The following HS3ST4 variants were observed in gnomAD, a reference collection of about 807,000 sequenced individuals.
HS3ST4 encodes the protein heparan sulfate glucosamine 3-O-sulfotransferase 4.
A neutral mutation model predicts 29.2 loss-of-function variants in HS3ST4; 17 were observed. The observed-to-expected ratio is 0.58, with a 90% confidence interval of 0.40 to 0.87. The LOEUF is 0.87. Ranked by LOEUF, HS3ST4 falls within the 40% of genes least tolerant of loss-of-function variation. The pLI is 0.00. For synonymous variants in HS3ST4, 314 were observed against 285.7 expected, an observed-to-expected ratio of 1.10 and a Z score of -1.00; for missense variants, 627 against 634.5, an observed-to-expected ratio of 0.99 and a Z score of 0.13.
chr16:25,986,578 G>A (rs1184606873), intron 1 of HS3ST4, among the ~76,000 whole-genome samples: 1 of 152,184 alleles, frequency 6.6e-6, no homozygotes, highest in Non-Finnish European at 1.5e-5. Context: ...ACTTTGCACT[G>A]CTGTTTATGC....
chr16:25,914,366 G>A (rs760525823), intron 1 of HS3ST4, among the ~76,000 whole-genome samples: 3 of 151,390 alleles, frequency 2.0e-5, no homozygotes, highest in Non-Finnish European at 4.4e-5. Context: ...ATGTTTATGG[G>A]GCTGGATGTG....
intron 1 of HS3ST4, among the ~76,000 whole-genome samples, chr16:25,791,974 A>G (rs1186765309): frequency 6.6e-6 from 1 of 151,970 alleles, no homozygotes; most frequent in Non-Finnish European, 1.5e-5. Flanking sequence ...TTTTAAATTT[A>G]GTTATGATCA....
chr16:25,700,744 C>T (rs577228917), intron 1 of HS3ST4, among the ~76,000 whole-genome samples: 2 of 152,274 alleles, frequency 1.3e-5, no homozygotes, highest in African/African-American at 4.8e-5. Context: ...CTGTAACTGT[C>T]TTGGGAATTG....
chr16:25,938,631 T>A (rs948733026), intron 1 of HS3ST4, among the ~76,000 whole-genome samples: 2 of 152,222 alleles, frequency 1.3e-5, no homozygotes, highest in African/African-American at 2.4e-5. Flanking sequence ...AGGCCATTTT[T>A]AAATTTCCAA....
At chr16:25,761,391 A>C (rs374135563) in intron 1 of HS3ST4, among the ~76,000 whole-genome samples, 1 of 152,144 alleles carries the variant, frequency 6.6e-6, no homozygotes, top group South Asian at 2.1e-4. Flanking sequence ...GTTGACTTTT[A>C]CTTTTACTGA....
intron 1 of HS3ST4, among the ~76,000 whole-genome samples, chr16:25,826,700 C>A (rs1967220012): frequency 6.6e-6 from 1 of 151,918 alleles, no homozygotes; most frequent in Non-Finnish European, 1.5e-5. Flanking sequence ...TTGGTGAGGT[C>A]AACAAAGGAA....
intron 1 of HS3ST4, among the ~76,000 whole-genome samples, chr16:26,041,499 C>CG (rs1969635736): frequency 6.6e-6 from 1 of 151,964 alleles, no homozygotes. Context: ...AACGAACAAA[C>CG]AAAACAAAAC....
intron 1 of HS3ST4, among the ~76,000 whole-genome samples, chr16:25,802,346 T>C (rs1381196801): frequency 6.6e-6 from 1 of 152,146 alleles, no homozygotes. Context: ...ATTCTTTTCC[T>C]ACATATCTGA....
chr16:25,915,738 A>G (rs1361376538), intron 1 of HS3ST4, among the ~76,000 whole-genome samples: 3 of 152,240 alleles, frequency 2.0e-5, no homozygotes, highest in Non-Finnish European at 2.9e-5. Context: ...AAGAAAGCTT[A>G]CACCTCTCAA....
chr16:26,030,643 G>A (rs1413837861), intron 1 of HS3ST4, among the ~76,000 whole-genome samples: 2 of 152,046 alleles, frequency 1.3e-5, no homozygotes, highest in Admixed American at 6.6e-5. Flanking sequence ...ACATACCTAG[G>A]CACCATACAC....
At chr16:25,857,948 C>CTTTCTTTCT (rs1555469183) in intron 1 of HS3ST4, among the ~76,000 whole-genome samples, 68 of 57,136 alleles carry the variant, frequency 1.2e-3, no homozygotes, top group African/African-American at 4.8e-3. Flanking sequence ...TTCTTTCTTT[C>CTTTCTTTCT]TTTCTTTCTT....
At chr16:25,845,818 C>T (rs537384100) in intron 1 of HS3ST4, among the ~76,000 whole-genome samples, 4 of 152,026 alleles carry the variant, frequency 2.6e-5, no homozygotes, top group South Asian at 2.1e-4. Flanking sequence ...TTTGTCCTTT[C>T]GAATAAGTTT....
chr16:26,115,490 G>A (rs1423251983), intron 1 of HS3ST4, among the ~76,000 whole-genome samples: 2 of 152,126 alleles, frequency 1.3e-5, no homozygotes, highest in Non-Finnish European at 1.5e-5. Flanking sequence ...TGATGGAGAT[G>A]GCTGAAAGGG....
Position 25,715,434 on chromosome 16 carries a change from A to G in HS3ST4, c.734+22283A>G, listed in dbSNP as rs925525563. On this transcript the variant is annotated intron_variant, in intron 1 of 1. Transcript: ENST00000331351. ...TTTTAATAATAAGGATGGTGATTCCATATGCAATTACCATGAGATGAAAGA... is the reference window on the plus strand; with the variant it reads ...TTTTAATAATAAGGATGGTGATTCCGTATGCAATTACCATGAGATGAAAGA... Among the ~76,000 whole-genome samples, 10 of 152,032 alleles carry G rather than the reference A, an allele frequency of 6.6e-5. No homozygotes were observed. The South Asian group carries it at 2.1e-3, about 32-fold the overall frequency.
chr16:26,064,392 C>A (rs1283122723), intron 1 of HS3ST4, among the ~76,000 whole-genome samples: 2 of 152,094 alleles, frequency 1.3e-5, no homozygotes, highest in African/African-American at 4.8e-5. Flanking sequence ...TCGGGTAGAC[C>A]ATGAGCAAAG....
chr16:26,033,777 G>C (rs1969556054), intron 1 of HS3ST4, among the ~76,000 whole-genome samples: 1 of 152,086 alleles, frequency 6.6e-6, no homozygotes, highest in South Asian at 2.1e-4. Flanking sequence ...ACAGACTGTA[G>C]AATTGAGCAG....
At chr16:26,062,818 T>G (rs1358051655) in intron 1 of HS3ST4, 21 of 288,228 alleles carry the variant, frequency 7.3e-5, no homozygotes, top group Admixed American at 7.2e-4. Context: ...CTAGCACCAC[T>G]TTGGTGCCTG....
intron 1 of HS3ST4, among the ~76,000 whole-genome samples, chr16:25,713,364 C>CA (rs1298858953): frequency 6.6e-6 from 1 of 151,872 alleles, no homozygotes; most frequent in Non-Finnish European, 1.5e-5. Flanking sequence ...CCTGTCTCTA[C>CA]AAAAAATACG....
At chr16:26,092,920 G>T (rs377380306) in intron 1 of HS3ST4, among the ~76,000 whole-genome samples, 1 of 152,056 alleles carries the variant, frequency 6.6e-6, no homozygotes, top group African/African-American at 2.4e-5. Context: ...TTAGCAACTG[G>T]CAGACAAGGA....
Sources: allele counts gnomAD v4.1 joint callset (sites outside exome capture counted in the v4.1 genomes callset), GRCh38; gene constraint gnomAD v4.1.1; transcripts MANE v1.5; gene names NCBI Gene and HGNC (gene_info 2026-07-23, HGNC 2026-07-21).